KIF13B: variants seen among roughly 807,000 people sequenced by gnomAD.
KIF13B encodes kinesin family member 13B, also known as kinesin-like protein KIF13B.
KIF13B carries 127 observed loss-of-function variants against 222.0 expected under a neutral mutation model. The observed-to-expected ratio is 0.57, with a 90% CI of 0.50 to 0.66. The LOEUF is 0.66. Among genes scored for constraint, KIF13B ranks in the 30% least tolerant of loss-of-function variants. The pLI, the probability that KIF13B is intolerant of heterozygous loss-of-function variation, is 0.00. For synonymous variants in KIF13B, 976 were observed against 919.0 expected (o/e 1.06, Z -1.12); for missense variants, 2,173 against 2,379.0 (o/e 0.91, Z 1.80).
chr8:29,250,017 G>A, intron 1 of KIF13B: 11 of 1,288,876 alleles, frequency 8.5e-6, no homozygotes, highest in Non-Finnish European at 1.0e-5. Context: ...AGGTCCATGA[G>A]AGTTTCTTAA....
At chr8:29,172,692 G>A (rs983713525) in intron 10 of KIF13B, among the ~76,000 whole-genome samples, 1 of 152,086 alleles carries the variant, frequency 6.6e-6, no homozygotes, top group African/African-American at 2.4e-5. Context: ...TCCCGATCCT[G>A]CCATTCATTA....
intron 2 of KIF13B, among the ~76,000 whole-genome samples, chr8:29,225,867 T>C (rs756409152): frequency 6.6e-6 from 1 of 152,220 alleles, no homozygotes; most frequent in African/African-American, 2.4e-5. Context: ...GTCAGATGCT[T>C]GCACCAGATA....
intron 12 of KIF13B, among the ~76,000 whole-genome samples, chr8:29,164,617 A>G (rs977634712): frequency 6.6e-6 from 1 of 152,212 alleles, no homozygotes; most frequent in Non-Finnish European, 1.5e-5. Context: ...AGTGAGTAGA[A>G]GTAAAAGAAT....
chr8:29,224,253 T>C (rs1487274396), intron 2 of KIF13B, among the ~76,000 whole-genome samples: 1 of 152,058 alleles, frequency 6.6e-6, no homozygotes, highest in African/African-American at 2.4e-5. Context: ...TCCACCTGCC[T>C]CGGCCTCCCA....
Position 29,141,416 on chromosome 8 carries a change from A to G in KIF13B, c.2334+741T>C, listed in dbSNP as rs182334717. Among the ~76,000 whole-genome samples the G allele has an allele frequency of 6.0e-3, 908 of 152,240 alleles. 4 individuals are homozygous for G. The highest frequency in any genetic ancestry group is 8.4e-3 in the Admixed American group (128 of 15,294). On this transcript the variant is annotated intron_variant, in intron 19 of 39. Transcript: ENST00000524189. ...TTTTATTTCTAAGTTGAAATAGGAG[A>G]GGGGTACCAAAGAGACAAACATGTT... is the stretch of plus-strand genomic sequence containing the variant.
At chr8:29,239,980 CA>C (rs1815691729) in intron 2 of KIF13B, among the ~76,000 whole-genome samples, 1 of 133,368 alleles carries the variant, frequency 7.5e-6, no homozygotes, top group Non-Finnish European at 1.6e-5. Flanking sequence ...ACCCTTGTAA[CA>C]AACCTGTATG....
intron 12 of KIF13B, among the ~76,000 whole-genome samples, chr8:29,165,367 T>C (rs1039333592): frequency 6.6e-6 from 1 of 152,220 alleles, no homozygotes; most frequent in Non-Finnish European, 1.5e-5. Flanking sequence ...AAGCACTTAA[T>C]AGAATGCGGT....
Position 29,241,710 on chromosome 8 carries a change from A to G in KIF13B, c.149+3636T>C, listed in dbSNP as rs983940321. On this transcript the variant is annotated intron_variant, in intron 2 of 39. Coordinates refer to ENST00000524189, the MANE Select transcript of KIF13B (RefSeq NM_015254.4). ...ACGCACCCGCAGCAAGGGAGGGAAA[A>G]AAAAAAAAAAAAAAAAGCCTTTTCC... Among the ~76,000 whole-genome samples the G allele has an allele frequency of 1.6e-4, 16 of 98,042 alleles. No homozygotes were observed. In the East Asian group the frequency reaches 3.0e-3, roughly 18 times the overall value. 64.3% of individuals were successfully genotyped at this position (98,042 alleles called of 152,430 possible). A position where few individuals can be genotyped will look rare whatever the true frequency, so the allele number is the denominator to read the frequency against.
At chr8:29,263,083 G>A (rs535194258), upstream of KIF13B, 53 of 1,545,996 alleles carry the variant, frequency 3.4e-5, no homozygotes, top group Non-Finnish European at 4.5e-5. Flanking sequence ...CGCGGCCACC[G>A]GCGACTCTTC....
At chr8:29,205,324 G>A (rs1813881185) in intron 2 of KIF13B, among the ~76,000 whole-genome samples, 2 of 152,158 alleles carry the variant, frequency 1.3e-5, no homozygotes, top group South Asian at 4.1e-4. Context: ...AGAAGACTTG[G>A]AAATGCTAGG....
At chr8:29,136,108 A>T (rs953853947) in intron 21 of KIF13B, among the ~76,000 whole-genome samples, 2 of 152,210 alleles carry the variant, frequency 1.3e-5, no homozygotes, top group Non-Finnish European at 2.9e-5. Context: ...ATTGGCTGAC[A>T]TATTTTATTC....
intron 2 of KIF13B, among the ~76,000 whole-genome samples, chr8:29,224,668 C>A (rs200517083): frequency 2.0e-5 from 3 of 151,536 alleles, no homozygotes; most frequent in African/African-American, 7.3e-5. Context: ...TAGAACCCCC[C>A]CCCATTCATT....
At chr8:29,250,093 T>C (rs1816215103) in intron 1 of KIF13B, 1 of 1,254,724 alleles carries the variant, frequency 8.0e-7, no homozygotes, top group Non-Finnish European at 1.0e-6. Context: ...ATCTGTATCA[T>C]ACACAAGCAC....
At chr8:29,260,435 C>T (rs904284175) in intron 1 of KIF13B, among the ~76,000 whole-genome samples, 1 of 152,106 alleles carries the variant, frequency 6.6e-6, no homozygotes, top group Non-Finnish European at 1.5e-5. Context: ...AGGTTGCTTC[C>T]GGCACCTATA....
At chr8:29,261,915 G>A (rs751810160) in intron 1 of KIF13B, among the ~76,000 whole-genome samples, 8 of 151,998 alleles carry the variant, frequency 5.3e-5, no homozygotes, top group Non-Finnish European at 8.8e-5. Flanking sequence ...CAAAGAAGAG[G>A]AAAACAACCT....
intron 18 of KIF13B, chr8:29,146,027 G>A: frequency 2.2e-6 from 1 of 463,456 alleles, no homozygotes; most frequent in Non-Finnish European, 3.8e-6. Context: ...AACTTGTGGA[G>A]AAGGGGTTGT....
At chr8:29,155,504 A>C (rs921053811) in intron 14 of KIF13B, among the ~76,000 whole-genome samples, 1 of 152,156 alleles carries the variant, frequency 6.6e-6, no homozygotes, top group African/African-American at 2.4e-5. Context: ...AGGGGCTCTG[A>C]TCAAGACTTG....
rs757518314 is a variant in KIF13B, at chr8:29,069,888, A to C, written c.*616T>G. ...TGGCAGAGGAGGGATGGGGGGGCTC[A>C]GGCCCTCGGCCCCCGTCTGGGGCAC... On this transcript the variant is annotated 3_prime_UTR_variant, in exon 40 of 40. Coordinates refer to ENST00000524189, the MANE Select transcript of KIF13B (RefSeq NM_015254.4). 5 of 152,058 alleles carry C rather than the reference A, an allele frequency of 3.3e-5. No individual in the cohort carries two copies. Among genetic ancestry groups the C allele is most frequent in the Non-Finnish European group, 5.9e-5 (4 of 68,090 alleles). 9.4% of individuals were successfully genotyped at this position (152,058 alleles called of 1,614,324 possible). A position where few individuals can be genotyped will look rare whatever the true frequency, so the allele number is the denominator to read the frequency against.
Position 29,165,645 on chromosome 8 carries a change from C to G in KIF13B, c.1269+17G>C, listed in dbSNP as rs764486130. On this transcript the variant is annotated intron_variant, in intron 12 of 39. Coordinates refer to ENST00000524189, the MANE Select transcript of KIF13B (RefSeq NM_015254.4). ...TGCCATGAGGTTTCATGCGCTTCAT[C>G]ATCAGGAAACACGAACCTGTGCAAT... 6.6e-7 allele frequency: 1 copy of G among 1,523,250 alleles called. No homozygotes were observed. Among genetic ancestry groups the G allele is most frequent in the South Asian group, 1.1e-5 (1 of 89,050 alleles). 94.4% of individuals were successfully genotyped at this position (1,523,250 alleles called of 1,614,324 possible). A position where few individuals can be genotyped will look rare whatever the true frequency, so the allele number is the denominator to read the frequency against.
Sources: allele counts gnomAD v4.1 joint callset (sites outside exome capture counted in the v4.1 genomes callset), GRCh38; gene constraint gnomAD v4.1.1; transcripts MANE v1.5; gene names NCBI Gene and HGNC (gene_info 2026-07-23, HGNC 2026-07-21).